The following TANC1 variants were observed in gnomAD, a reference collection of about 807,000 sequenced individuals.
The protein encoded by TANC1 is protein TANC1.
A neutral mutation model predicts 149.7 loss-of-function variants in TANC1; 77 were observed. That is an observed-to-expected ratio of 0.51 (90% CI 0.43 to 0.62). The LOEUF is 0.62. Among genes scored for constraint, TANC1 ranks in the 20% least tolerant of loss-of-function variants. The pLI, the probability that TANC1 is intolerant of heterozygous loss-of-function variation, is 0.00. For missense variants in TANC1, 1,985 were observed against 2,321.8 expected, an observed-to-expected ratio of 0.85 and a Z score of 2.98; for synonymous variants, 854 against 925.0, an observed-to-expected ratio of 0.92 and a Z score of 1.39.
chr2:159,230,631 G>A lies in TANC1; in HGVS notation c.5205G>A (p.Gln1735=). 1 of 1,614,214 alleles carries A rather than the reference G, an allele frequency of 6.2e-7. No individual in the cohort carries two copies. The highest frequency in any genetic ancestry group is 8.5e-7 in the Non-Finnish European group (1 of 1,180,042). The part of the protein sequence containing the change: ...GIMDKTARFQ[Q]QSNPPSRSWH... ...TGGATAAGACTGCGAGGTTCCAACA[G>A]CAGAGCAATCCTCCAAGCCGCAGCT... Residue 1735 remains glutamine (Q), a synonymous_variant, in exon 27 of 27, where the codon CAG becomes CAA. Transcript: ENST00000263635. This position sits in a 1 kb window ranked among gnomAD's most constrained non-coding sequence, Gnocchi z 4.4.
At chr2:159,019,329 G>A (rs1048287717) in intron 2 of TANC1, among the ~76,000 whole-genome samples, 3 of 152,194 alleles carry the variant, frequency 2.0e-5, no homozygotes, top group Non-Finnish European at 4.4e-5. Flanking sequence ...ATTCTGCACC[G>A]GTAGTTGCTG....
At chr2:159,023,256 G>T (rs1041043378) in intron 2 of TANC1, among the ~76,000 whole-genome samples, 1 of 152,114 alleles carries the variant, frequency 6.6e-6, no homozygotes, top group Admixed American at 6.5e-5. Context: ...TCTCATTCTA[G>T]AAAGAGAGAG....
At chr2:158,985,804 C>A (rs1023178725) in intron 1 of TANC1, among the ~76,000 whole-genome samples, 3 of 152,152 alleles carry the variant, frequency 2.0e-5, no homozygotes, top group African/African-American at 7.2e-5. Flanking sequence ...CCACCACGCC[C>A]AGCTAATTTT....
intron 1 of TANC1, among the ~76,000 whole-genome samples, chr2:158,996,724 A>G (rs1284178358): frequency 1.3e-5 from 2 of 152,194 alleles, no homozygotes; most frequent in Non-Finnish European, 2.9e-5. Context: ...TATCTGAGTA[A>G]TTTACTTCGT....
intron 4 of TANC1, among the ~76,000 whole-genome samples, chr2:159,112,555 C>T (rs1288680454): frequency 9.2e-5 from 12 of 130,050 alleles, no homozygotes; most frequent in South Asian, 2.5e-4. Flanking sequence ...TGCACCCAGC[C>T]TTTTTTTTTT....
chr2:158,978,972 G>T (rs368671960), intron 1 of TANC1, among the ~76,000 whole-genome samples: 4 of 152,130 alleles, frequency 2.6e-5, no homozygotes, highest in Admixed American at 1.3e-4. Context: ...AGATTTCTTT[G>T]TTGGCCATTT....
intron 4 of TANC1, among the ~76,000 whole-genome samples, chr2:159,111,491 T>C (rs171934): frequency 0.33 from 49,539 of 152,114 alleles, 8,781 homozygotes; most frequent in East Asian, 0.63. Flanking sequence ...ATGCTGTCTC[T>C]TGATGGCACA....
chr2:159,153,349 C>G (rs2053069161), intron 7 of TANC1, among the ~76,000 whole-genome samples: 1 of 152,210 alleles, frequency 6.6e-6, no homozygotes, highest in Admixed American at 6.5e-5. Flanking sequence ...TTTCCCATAA[C>G]TCGGCTGAGC....
At chr2:158,972,309 A>G (rs934580477) in intron 1 of TANC1, among the ~76,000 whole-genome samples, 1 of 152,202 alleles carries the variant, frequency 6.6e-6, no homozygotes, top group African/African-American at 2.4e-5. Flanking sequence ...CTCTCAGCCT[A>G]ATTGCAAAGC....
intron 2 of TANC1, among the ~76,000 whole-genome samples, chr2:159,059,260 T>TG (rs2042059866): frequency 6.6e-6 from 1 of 152,174 alleles, no homozygotes; most frequent in South Asian, 2.1e-4. Flanking sequence ...CCCTGTGCTT[T>TG]GGGAGGCCGA....
chr2:159,027,892 A>T (rs904966715), intron 2 of TANC1, among the ~76,000 whole-genome samples: 1 of 152,142 alleles, frequency 6.6e-6, no homozygotes, highest in African/African-American at 2.4e-5. Flanking sequence ...TTCCTGCTTC[A>T]TAACGTGGTA....
At position 159,103,658 on chromosome 2, in the gene TANC1, A is replaced by G; in HGVS notation, c.259+5824A>G. ...TTCAGCCGCCTGGTGCGGATCCTAG[A>G]GATCATGGAGGTTCACAGGCATGTT... On this transcript the variant is annotated intron_variant, in intron 4 of 26. Transcript: ENST00000263635. Among the ~76,000 whole-genome samples, 2 of 96,790 alleles carry G rather than the reference A, an allele frequency of 2.1e-5. 1 individual carries two copies. The highest frequency in any genetic ancestry group is 5.8e-5 in the Non-Finnish European group (2 of 34,666). 63.5% of individuals were successfully genotyped at this position (96,790 alleles called of 152,430 possible).
chr2:159,153,019 A>G (rs1338409951), intron 7 of TANC1, among the ~76,000 whole-genome samples: 1 of 152,172 alleles, frequency 6.6e-6, no homozygotes, highest in Non-Finnish European at 1.5e-5. Flanking sequence ...TAGTGTCTCA[A>G]TATTCCCCTT....
chr2:159,201,103 T>C (rs2058212662), intron 19 of TANC1, among the ~76,000 whole-genome samples: 1 of 152,160 alleles, frequency 6.6e-6, no homozygotes, highest in South Asian at 2.1e-4. Context: ...GTCAACAAAA[T>C]CCACCTTGCC....
chr2:159,097,485 A>G (rs2046256281), intron 3 of TANC1, 152 bp from the exon 4 acceptor site: 2 of 633,754 alleles, frequency 3.2e-6, no homozygotes, highest in South Asian at 4.1e-5. Flanking sequence ...AAAAAGTTTC[A>G]AGAGTAGTGG....
At chr2:159,198,742 T>G (rs2058041278) in intron 18 of TANC1, among the ~76,000 whole-genome samples, 1 of 152,260 alleles carries the variant, frequency 6.6e-6, no homozygotes, top group Non-Finnish European at 1.5e-5. Context: ...GAGTACCTAG[T>G]AATCCTGAAC....
rs572557554 is a variant in TANC1 at position 159,030,789 on chromosome 2, C to T, written c.-16+29600C>T. On this transcript the variant is annotated intron_variant, in intron 2 of 26. Transcript: ENST00000263635. Reference sequence around the variant, plus strand: ...ACTTGTGTTCTGGCCAGAGGACCCTCAGCTTTTTGTGATGAGTCATTTCCT... The same window carrying T: ...ACTTGTGTTCTGGCCAGAGGACCCTTAGCTTTTTGTGATGAGTCATTTCCT... Among the ~76,000 whole-genome samples, 3 of 152,272 alleles carry T rather than the reference C, an allele frequency of 2.0e-5. No homozygotes were observed. In the South Asian group the frequency reaches 6.2e-4, roughly 32 times the overall value.
Position 159,163,364 on chromosome 2 carries a change from G to A in TANC1, c.764G>A (p.Gly255Glu), listed in dbSNP as rs1411413990. Residue 255 changes from glycine to glutamate, a missense_variant, in exon 8 of 27, where the codon GGG (glycine) becomes GAG (glutamate). By Grantham distance (98) the Gly-to-Glu change is moderately conservative (BLOSUM62 -2). Coordinates refer to ENST00000263635, the MANE Select transcript of TANC1 (RefSeq NM_033394.3). ...EWNKDGNLRLGVQKGVLHDRR... is the reference protein window; with the variant it reads ...EWNKDGNLRLEVQKGVLHDRR... ...AATAAAGATGGAAACCTAAGATTAG[G>A]GGTTCAGAAGGGAGTGCTTCATGAC... 1 of 1,614,200 alleles carries A rather than the reference G, an allele frequency of 6.2e-7. No homozygotes were observed. Among genetic ancestry groups the A allele is most frequent in the Admixed American group, 1.7e-5 (1 of 60,020 alleles).
Position 159,149,273 on chromosome 2 carries a change from G to A in TANC1, c.495+1G>A, listed in dbSNP as rs1330640494. The A allele has an allele frequency of 3.7e-6, 6 of 1,614,080 alleles. No homozygotes were observed. The highest frequency in any genetic ancestry group is 2.2e-5 in the South Asian group (2 of 91,082). ...CATTGAAGACAAAAATGAAACCATGGTAATGCCCGAGGAAGACACTACATT... is the reference window on the plus strand; with the variant it reads ...CATTGAAGACAAAAATGAAACCATGATAATGCCCGAGGAAGACACTACATT... On this transcript the variant is annotated splice_donor_variant, in intron 6 of 26. Transcript: ENST00000263635. LOFTEE classifies it high-confidence loss of function.
Sources: allele counts gnomAD v4.1 joint callset (sites outside exome capture counted in the v4.1 genomes callset), GRCh38; gene constraint gnomAD v4.1.1; non-coding constraint Gnocchi (gnomAD v3.1); transcripts MANE v1.5; gene names NCBI Gene and HGNC (gene_info 2026-07-23, HGNC 2026-07-21).